Variants in CMTM4 observed in about 807,000 individuals in gnomAD.
CMTM4 encodes CKLF-like MARVEL transmembrane domain-containing protein 4.
CMTM4 carries 8 observed loss-of-function variants against 19.0 expected under a neutral mutation model. The observed-to-expected ratio is 0.42, with a 90% CI of 0.25 to 0.76. The LOEUF (loss-of-function observed/expected upper bound fraction) is 0.76, where lower values mean the gene tolerates loss of function less well. Ranked by LOEUF, CMTM4 falls within the 30% of genes least tolerant of loss-of-function variation. CMTM4 has a pLI of 0.27. For synonymous variants in CMTM4, 106 were observed against 121.1 expected (o/e 0.88, Z 0.82); for missense variants, 228 against 290.2 (o/e 0.79, Z 1.56).
At chr16:66,677,469 C>T (rs747607835) in intron 1 of CMTM4, among the ~76,000 whole-genome samples, 8 of 152,206 alleles carry the variant, frequency 5.3e-5, no homozygotes, top group Non-Finnish European at 1.0e-4. Context: ...GGCAGATTTA[C>T]GTGGAGAGAA....
chr16:66,687,682 A>ATATTTTTT (rs1567434313), intron 1 of CMTM4, among the ~76,000 whole-genome samples: 2 of 93,296 alleles, frequency 2.1e-5, no homozygotes, highest in Non-Finnish European at 2.3e-5. Flanking sequence ...AAAAAGGGTA[A>ATATTTTTT]TTTTTTTTTT....
At chr16:66,625,156 C>T (rs2015710663) in intron 2 of CMTM4, among the ~76,000 whole-genome samples, 2 of 152,092 alleles carry the variant, frequency 1.3e-5, no homozygotes, top group South Asian at 2.1e-4. Flanking sequence ...ACAAACAGGC[C>T]GGGCACGGTG....
At chr16:66,631,106 C>G (rs2015852763) in intron 2 of CMTM4, among the ~76,000 whole-genome samples, 1 of 151,402 alleles carries the variant, frequency 6.6e-6, no homozygotes, top group East Asian at 2.0e-4. Context: ...ACCCAGCAGC[C>G]ACCCCATCTG....
In CMTM4 at chr16:66,621,394, T is replaced by C; in HGVS notation, c.*664A>G. 1 of 985,882 alleles carries C rather than the reference T, an allele frequency of 1.0e-6. No homozygotes were observed. Among genetic ancestry groups the C allele is most frequent in the Non-Finnish European group, 1.2e-6 (1 of 829,944 alleles). The allele number at this position is 985,882 out of a possible 1,614,324, so 61.1% of individuals were successfully genotyped here. A position where few individuals can be genotyped will look rare whatever the true frequency, so the allele number is the denominator to read the frequency against. On this transcript the variant is annotated 3_prime_UTR_variant, in exon 4 of 4. Transcript: ENST00000394106. ...CATAACAAGATGGCCCCCATATTCC[T>C]GGAGAAGAATCTGGGGTTCAGGAAG...
At chr16:66,682,410 T>C in intron 1 of CMTM4, among the ~76,000 whole-genome samples, 1 of 151,908 alleles carries the variant, frequency 6.6e-6, no homozygotes. Context: ...GGCACAAAAA[T>C]CTTTTAGCCT....
chr16:66,613,015 CACTA>C, downstream of CMTM4: 2 of 702,292 alleles, frequency 2.8e-6, no homozygotes, highest in Non-Finnish European at 5.2e-6. Flanking sequence ...TCTTCTGTTT[CACTA>C]ACAGGAACAA....
chr16:66,607,154 G>A, the CMTM4 span, among the ~76,000 whole-genome samples: 2 of 152,168 alleles, frequency 1.3e-5, no homozygotes, highest in Non-Finnish European at 2.9e-5. Context: ...TGAGCCTCAG[G>A]GTACCAGGCA....
chr16:66,647,901 T>C (rs2016235731), intron 1 of CMTM4, among the ~76,000 whole-genome samples: 1 of 152,132 alleles, frequency 6.6e-6, no homozygotes, highest in Non-Finnish European at 1.5e-5. Flanking sequence ...TTGATAAAAG[T>C]GGTATTTTTA....
Position 66,616,770 on chromosome 16 carries a change from G to C in CMTM4, c.*5288C>G, listed in dbSNP as rs1274237709. ...TCACCCTGGTGCAAGGGCACCAGCA[G>C]GTCTCCCTCCTCTCCCCTCCTCACC... On this transcript the variant is annotated 3_prime_UTR_variant, in exon 4 of 4. Coordinates refer to ENST00000394106, the MANE Select transcript of CMTM4 (RefSeq NM_181521.3). 6.6e-6 allele frequency: 1 copy of C among 152,590 alleles called. No homozygotes were observed. Among genetic ancestry groups the C allele is most frequent in the Non-Finnish European group, 1.5e-5 (1 of 68,328 alleles). The allele number at this position is 152,590 out of a possible 1,614,324, so 9.5% of individuals were successfully genotyped here. A position where few individuals can be genotyped will look rare whatever the true frequency, so the allele number is the denominator to read the frequency against.
chr16:66,663,619 T>C (rs2016540050), intron 1 of CMTM4, among the ~76,000 whole-genome samples: 1 of 137,520 alleles, frequency 7.3e-6, no homozygotes, highest in South Asian at 2.6e-4. Context: ...CTTGGCTCAC[T>C]GCAACCTCCG....
intron 1 of CMTM4, among the ~76,000 whole-genome samples, chr16:66,656,652 GAAAAAAA>G (rs147497033): frequency 6.6e-5 from 9 of 135,384 alleles, no homozygotes. Context: ...TAACTACATA[GAAAAAAA>G]AAAAAACAGT....
intron 1 of CMTM4, among the ~76,000 whole-genome samples, chr16:66,661,693 G>T (rs2144860453): frequency 6.6e-6 from 1 of 152,244 alleles, no homozygotes; most frequent in East Asian, 1.9e-4. Context: ...ACTTTGGGAG[G>T]CCAAGGTGGG....
chr16:66,619,802 G>A lies in CMTM4; in HGVS notation c.*2256C>T. On this transcript the variant is annotated 3_prime_UTR_variant, in exon 4 of 4. Coordinates refer to ENST00000394106, the MANE Select transcript of CMTM4 (RefSeq NM_181521.3). ...TACAAAACCACCGAGGAGCCTCACG[G>A]CACAAAGGATATTAAATAGTTACAG... 1.0e-6 allele frequency: 1 copy of A among 985,300 alleles called. No homozygotes were observed. The highest frequency in any genetic ancestry group is 1.2e-6 in the Non-Finnish European group (1 of 829,914). The allele number at this position is 985,300 out of a possible 1,614,324, so 61.0% of individuals were successfully genotyped here. A position where few individuals can be genotyped will look rare whatever the true frequency, so the allele number is the denominator to read the frequency against.
At chr16:66,646,839 T>TG (rs914660588) in intron 1 of CMTM4, among the ~76,000 whole-genome samples, 5 of 151,936 alleles carry the variant, frequency 3.3e-5, no homozygotes, top group African/African-American at 1.2e-4. Flanking sequence ...CCTGAGTAGC[T>TG]GGGATTATAG....
rs780833831 is a variant in CMTM4, at chr16:66,622,628, T to A, written c.463-406A>T. ...CAACTTCAGGGCCTCTGGTCCCAGATGAGAAAATACAGTGCAGACAAAATG... is the reference window on the plus strand; with the variant it reads ...CAACTTCAGGGCCTCTGGTCCCAGAAGAGAAAATACAGTGCAGACAAAATG... On this transcript the variant is annotated intron_variant, in intron 3 of 3. Coordinates refer to ENST00000394106, the MANE Select transcript of CMTM4 (RefSeq NM_181521.3). The surrounding 1 kb of genome is among the most constrained non-coding windows in gnomAD (Gnocchi z 4.0). Among the ~76,000 whole-genome samples, 9 of 152,148 alleles carry A rather than the reference T, an allele frequency of 5.9e-5. No homozygotes were observed. Among genetic ancestry groups the A allele is most frequent in the Non-Finnish European group, 1.2e-4 (8 of 68,030 alleles).
intron 1 of CMTM4, among the ~76,000 whole-genome samples, chr16:66,655,007 CT>C (rs1416203885): frequency 6.6e-6 from 1 of 151,876 alleles, no homozygotes; most frequent in Admixed American, 6.6e-5. Flanking sequence ...TTTCGGGGGG[CT>C]TTTTTGAGAC....
At chr16:66,635,002 AT>A (rs2144808812) in intron 2 of CMTM4, among the ~76,000 whole-genome samples, 1 of 152,320 alleles carries the variant, frequency 6.6e-6, no homozygotes, top group South Asian at 2.1e-4. Context: ...CTCAACAAGT[AT>A]TTATTGACAG....
intron 1 of CMTM4, among the ~76,000 whole-genome samples, chr16:66,681,732 A>G (rs1434166341): frequency 1.3e-5 from 2 of 152,118 alleles, no homozygotes; most frequent in South Asian, 4.1e-4. Context: ...GAAAAATCCA[A>G]TTTCATCAGG....
At chr16:66,609,469 A>G in the CMTM4 span, 1 of 1,612,858 alleles carries the variant, frequency 6.2e-7, no homozygotes, top group Non-Finnish European at 8.5e-7. The surrounding 1 kb of genome is among the most constrained non-coding windows in gnomAD (Gnocchi z 4.4). Flanking sequence ...GCCCTCATCT[A>G]CTTTGCTATC....
Sources: gnomAD v4.1 joint callset for allele counts (sites outside exome capture counted in the v4.1 genomes callset) on GRCh38, gnomAD v4.1.1 for gene constraint, Gnocchi (gnomAD v3.1) non-coding constraint, MANE v1.5 for transcripts, NCBI Gene and HGNC (gene_info 2026-07-23, HGNC 2026-07-21) for gene names.